The following CTNND2 variants were observed in gnomAD, a reference collection of about 807,000 sequenced individuals.
CTNND2 encodes catenin delta-2.
A neutral mutation model predicts 144.4 loss-of-function variants in CTNND2; 22 were observed. The observed-to-expected ratio is 0.15, with a 90% CI of 0.11 to 0.22. CTNND2 has a LOEUF of 0.22. CTNND2 is among the 10% of genes least tolerant of loss of function. The pLI is 1.00. For missense variants in CTNND2, 1,353 were observed against 1,618.8 expected (o/e 0.84, Z 2.82); for synonymous variants, 751 against 695.6 (o/e 1.08, Z -1.25).
At chr5:11,238,453 A>C (rs1741870494) in intron 9 of CTNND2, among the ~76,000 whole-genome samples, 1 of 152,216 alleles carries the variant, frequency 6.6e-6, no homozygotes, top group Admixed American at 6.5e-5. Context: ...GAACAGACAA[A>C]GGTTAAAAGT....
At chr5:11,065,114 G>A (rs923358997) in intron 16 of CTNND2, among the ~76,000 whole-genome samples, 1 of 152,220 alleles carries the variant, frequency 6.6e-6, no homozygotes, top group African/African-American at 2.4e-5. Flanking sequence ...GGTGGAGGTG[G>A]CCTTTGGAGA....
chr5:11,481,208 T>A (rs1230694240), intron 3 of CTNND2, among the ~76,000 whole-genome samples: 2 of 152,132 alleles, frequency 1.3e-5, no homozygotes, highest in Non-Finnish European at 2.9e-5. Context: ...CCTGTCTTTA[T>A]TGAAAAATTT....
chr5:11,878,800 A>G (rs540148811), intron 1 of CTNND2, among the ~76,000 whole-genome samples: 1 of 152,346 alleles, frequency 6.6e-6, no homozygotes, highest in Admixed American at 6.5e-5. Flanking sequence ...ACAAAGAAAA[A>G]GCATCCAAAG....
chr5:11,860,521 A>G (rs1222940404), intron 1 of CTNND2, among the ~76,000 whole-genome samples: 1 of 152,228 alleles, frequency 6.6e-6, no homozygotes, highest in Non-Finnish European at 1.5e-5. Context: ...CTAAGATTCT[A>G]TAATGCACAT....
intron 1 of CTNND2, among the ~76,000 whole-genome samples, chr5:11,892,689 G>GCTAAAAAAAAAAAC (rs1737072939): frequency 6.6e-6 from 1 of 151,072 alleles, no homozygotes; most frequent in African/African-American, 2.4e-5. Context: ...TTGGGCCAGA[G>GCTAAAAAAAAAAAC]CTAAAAAAAA....
intron 15 of CTNND2, among the ~76,000 whole-genome samples, chr5:11,084,853 C>T (rs1004214546): frequency 6.6e-6 from 1 of 152,112 alleles, no homozygotes; most frequent in African/African-American, 2.4e-5. Flanking sequence ...CACCTGTGCC[C>T]TTGACTCTGG....
intron 1 of CTNND2, among the ~76,000 whole-genome samples, chr5:11,897,898 G>C (rs1187490254): frequency 6.6e-6 from 1 of 152,216 alleles, no homozygotes; most frequent in African/African-American, 2.4e-5. Flanking sequence ...TTCAGGCAAA[G>C]GGAACTTAAT....
intron 2 of CTNND2, among the ~76,000 whole-genome samples, chr5:11,575,370 G>GA (rs1170286273): frequency 6.6e-6 from 1 of 152,126 alleles, no homozygotes; most frequent in Non-Finnish European, 1.5e-5. Flanking sequence ...ATCGATCTGG[G>GA]AAAATCTAAA....
rs577869208 is a variant in CTNND2, at chr5:11,632,979, A to T, written c.175-67923T>A. Among the ~76,000 whole-genome samples, 22 of 152,254 alleles carry T rather than the reference A, an allele frequency of 1.4e-4. No individual in the cohort carries two copies. In the South Asian group the frequency reaches 4.4e-3, roughly 30 times the overall value. On this transcript the variant is annotated intron_variant, in intron 2 of 21. Transcript: ENST00000304623. The stretch of plus-strand genomic sequence containing the variant: ...ACAATAGACAGAAGAAAATAAATTG[A>T]ACAGAGCCTCAGAGAAGTGCAGGAC...
At chr5:11,672,174 C>T (rs748546995) in intron 2 of CTNND2, among the ~76,000 whole-genome samples, 3 of 152,168 alleles carry the variant, frequency 2.0e-5, no homozygotes, top group Non-Finnish European at 2.9e-5. Context: ...AGAGGGACAC[C>T]TGCCAGATGC....
chr5:11,765,778 TGACTC>T (rs1789550835), intron 1 of CTNND2, among the ~76,000 whole-genome samples: 1 of 152,156 alleles, frequency 6.6e-6, no homozygotes, highest in Non-Finnish European at 1.5e-5. Flanking sequence ...TTTTCCAAAA[TGACTC>T]AACACAGCTT....
chr5:11,130,505 G>T (rs907146053), intron 12 of CTNND2, among the ~76,000 whole-genome samples: 1 of 152,134 alleles, frequency 6.6e-6, no homozygotes, highest in East Asian at 1.9e-4. Flanking sequence ...TAAAACTGAT[G>T]GTCGCCACAG....
At chr5:11,476,157 C>T (rs1767726407) in intron 3 of CTNND2, among the ~76,000 whole-genome samples, 1 of 151,930 alleles carries the variant, frequency 6.6e-6, no homozygotes, top group Non-Finnish European at 1.5e-5. Flanking sequence ...AGGTATGAAC[C>T]ACTGCACCCA....
intron 2 of CTNND2, among the ~76,000 whole-genome samples, chr5:11,653,377 T>C (rs561240310): frequency 6.6e-6 from 1 of 152,248 alleles, no homozygotes; most frequent in East Asian, 1.9e-4. Flanking sequence ...TTCTCTTTTC[T>C]CCTCACCTCA....
rs898791544 is a variant in CTNND2 at position 11,771,691 on chromosome 5, TTATC to T, written c.38-39423_38-39420del. 8.5e-5 allele frequency among the ~76,000 whole-genome samples: 13 copies of T among 152,346 alleles called. 1 individual carries two copies. Among genetic ancestry groups the T allele is most frequent in the Admixed American group, 8.5e-4 (13 of 15,298 alleles). ...ATGCAGTCACTGTAATAACTTTCTA[TTATC>T]TATTACTTGATGCCTTATAATTTAG... On this transcript the variant is annotated intron_variant, in intron 1 of 21. Transcript: ENST00000304623.
chr5:11,868,971 C>T (rs116458593), intron 1 of CTNND2, among the ~76,000 whole-genome samples: 2,834 of 152,214 alleles, frequency 0.019, 48 homozygotes, highest in East Asian at 0.039. Context: ...GACAAAGACA[C>T]CCAAATGGCC....
intron 1 of CTNND2, among the ~76,000 whole-genome samples, chr5:11,784,381 T>C (rs1581879311): frequency 6.6e-6 from 1 of 152,188 alleles, no homozygotes; most frequent in African/African-American, 2.4e-5. Context: ...AGAATATCAG[T>C]GGTAACTGAT....
At chr5:11,562,858 C>A (rs1372834972) in intron 3 of CTNND2, among the ~76,000 whole-genome samples, 1 of 152,322 alleles carries the variant, frequency 6.6e-6, no homozygotes, top group Admixed American at 6.5e-5. Flanking sequence ...CAGGTAATGT[C>A]ATGAATGCAA....
intron 2 of CTNND2, among the ~76,000 whole-genome samples, chr5:11,683,202 C>T (rs935795922): frequency 2.6e-5 from 4 of 152,132 alleles, no homozygotes; most frequent in African/African-American, 9.7e-5. Context: ...AATGGAGACT[C>T]AAGACATTTA....
Sources: allele counts gnomAD v4.1 joint callset (sites outside exome capture counted in the v4.1 genomes callset), GRCh38; gene constraint gnomAD v4.1.1; transcripts MANE v1.5; gene names NCBI Gene and HGNC (gene_info 2026-07-23, HGNC 2026-07-21).